TSPAN18: variants seen among roughly 807,000 people sequenced by gnomAD.
TSPAN18 encodes tetraspanin 18.
A neutral mutation model predicts 27.3 loss-of-function variants in TSPAN18; 14 were observed. The observed-to-expected ratio is 0.51, with a 90% CI of 0.34 to 0.80. The LOEUF is 0.80. Among genes scored for constraint, TSPAN18 ranks in the 30% least tolerant of loss-of-function variants. TSPAN18 has a pLI of 0.01. For synonymous variants in TSPAN18, 143 were observed against 136.5 expected (o/e 1.05, Z -0.33); for missense variants, 268 against 323.9 (o/e 0.83, Z 1.32).
At chr11:44,785,031 G>T (rs945940418) in intron 2 of TSPAN18, among the ~76,000 whole-genome samples, 1 of 152,150 alleles carries the variant, frequency 6.6e-6, no homozygotes, top group Non-Finnish European at 1.5e-5. Flanking sequence ...CCCTAACCAC[G>T]GTAATGAGAC....
At position 44,811,980 on chromosome 11, in the gene TSPAN18, G is replaced by A. The variant is rs1856727270; in HGVS notation, c.-153+47468G>A. Among the ~76,000 whole-genome samples, 3 of 152,238 alleles carry A rather than the reference G, an allele frequency of 2.0e-5. No homozygotes were observed. The South Asian group carries it at 6.2e-4, about 31-fold the overall frequency. ...CTGTCCCAGTTAGCCCTGTGAGTGG[G>A]CAGGGCTGGCAATGCCATATGTTGC... is the stretch of plus-strand genomic sequence containing the variant. On this transcript the variant is annotated intron_variant, in intron 2 of 9. Coordinates refer to ENST00000520358, the MANE Select transcript of TSPAN18 (RefSeq NM_130783.5).
chr11:44,751,926 C>CA lies in TSPAN18; in HGVS notation c.-239-12486dup, dbSNP rs374635775. 5.1e-3 allele frequency among the ~76,000 whole-genome samples: 600 copies of CA among 117,568 alleles called. 3 individuals are homozygous for CA. Among genetic ancestry groups the CA allele is most frequent in the Middle Eastern group, 0.027 (6 of 224 alleles). The allele number at this position is 117,568 out of a possible 152,430, so 77.1% of individuals were successfully genotyped here. On this transcript the variant is annotated intron_variant, in intron 1 of 9. Coordinates refer to ENST00000520358, the MANE Select transcript of TSPAN18 (RefSeq NM_130783.5). ...TGGGTGACAGAGCAGGACTCCATCT[C>CA]AAAAAAAAAAAAAAGAAGTCATATA...
At chr11:44,912,214 G>A (rs886300286) in intron 5 of TSPAN18, among the ~76,000 whole-genome samples, 1 of 152,014 alleles carries the variant, frequency 6.6e-6, no homozygotes, top group Admixed American at 6.6e-5. Context: ...TAGAAACAGG[G>A]TTTTACCATG....
intron 2 of TSPAN18, among the ~76,000 whole-genome samples, chr11:44,835,910 A>G (rs1314891345): frequency 1.3e-5 from 2 of 152,132 alleles, no homozygotes; most frequent in African/African-American, 2.4e-5. Flanking sequence ...TGGGGACATC[A>G]CAAGCTGCAC....
At chr11:44,862,246 C>T (rs1014244017) in intron 3 of TSPAN18, among the ~76,000 whole-genome samples, 34 of 152,238 alleles carry the variant, frequency 2.2e-4, no homozygotes, top group African/African-American at 7.5e-4. Context: ...CCCTCCGCCG[C>T]GGCAGCTCTG....
At chr11:44,790,237 G>C (rs758907578) in intron 2 of TSPAN18, among the ~76,000 whole-genome samples, 1 of 151,382 alleles carries the variant, frequency 6.6e-6, no homozygotes, top group African/African-American at 2.4e-5. Flanking sequence ...CCATGTGTTT[G>C]TGTGTGCCTG....
At chr11:44,879,833 G>A (rs769205144) in intron 3 of TSPAN18, among the ~76,000 whole-genome samples, 2 of 152,252 alleles carry the variant, frequency 1.3e-5, no homozygotes, top group East Asian at 3.9e-4. Flanking sequence ...ATGGCAAAGC[G>A]GACGAAGAAG....
chr11:44,833,382 T>C (rs1857194988), intron 2 of TSPAN18, among the ~76,000 whole-genome samples: 1 of 151,856 alleles, frequency 6.6e-6, no homozygotes, highest in African/African-American at 2.4e-5. Context: ...ATGGTGACTC[T>C]TAGGTAATTA....
chr11:44,763,694 G>A (rs1855503086), intron 1 of TSPAN18, among the ~76,000 whole-genome samples: 1 of 152,148 alleles, frequency 6.6e-6, no homozygotes, highest in African/African-American at 2.4e-5. Flanking sequence ...AAGAAACACA[G>A]TGTGATGTTT....
chr11:44,826,012 A>T (rs1857033917), intron 2 of TSPAN18, among the ~76,000 whole-genome samples: 1 of 152,186 alleles, frequency 6.6e-6, no homozygotes, highest in Admixed American at 6.5e-5. Context: ...TGAAACAAGG[A>T]TAAGATCTAC....
chr11:44,784,494 C>T (rs745695240), intron 2 of TSPAN18, among the ~76,000 whole-genome samples: 6 of 152,170 alleles, frequency 3.9e-5, no homozygotes, highest in Admixed American at 1.3e-4. Context: ...AGGTCGGCCC[C>T]GCAAACTGGG....
At position 44,741,447 on chromosome 11, in the gene TSPAN18, A is replaced by ATATGTGTGTGTG. The variant is rs59390988; in HGVS notation, c.-240+14161_-240+14162insATGTGTGTGTGT. Among the ~76,000 whole-genome samples, 1,156 of 147,430 alleles carry ATATGTGTGTGTG rather than the reference A, an allele frequency of 7.8e-3. 12 individuals are homozygous for ATATGTGTGTGTG. Among genetic ancestry groups the ATATGTGTGTGTG allele is most frequent in the African/African-American group, 0.018 (741 of 40,332 alleles). On this transcript the variant is annotated intron_variant, in intron 1 of 9. Coordinates refer to ENST00000520358, the MANE Select transcript of TSPAN18 (RefSeq NM_130783.5). ...CTATTCAAACCTGTCTCAGACATGT[A>ATATGTGTGTGTG]TGTGTGTGTGTGTGTGTGTGTGTGT...
At chr11:44,818,717 T>C (rs887605658) in intron 2 of TSPAN18, among the ~76,000 whole-genome samples, 1 of 152,174 alleles carries the variant, frequency 6.6e-6, no homozygotes, top group African/African-American at 2.4e-5. Flanking sequence ...TGAACAGTTA[T>C]GTACTGACCG....
At chr11:44,848,849 C>T (rs764441936) in intron 2 of TSPAN18, among the ~76,000 whole-genome samples, 19 of 152,292 alleles carry the variant, frequency 1.2e-4, no homozygotes, top group Admixed American at 3.9e-4. Context: ...CGTGGGGCTC[C>T]CCCCACCCCC....
At chr11:44,744,473 G>A (rs1370179876) in intron 1 of TSPAN18, among the ~76,000 whole-genome samples, 2 of 152,216 alleles carry the variant, frequency 1.3e-5, no homozygotes, top group Non-Finnish European at 2.9e-5. Context: ...AGTGGGGAGA[G>A]AGAGCTCTGG....
At chr11:44,826,742 G>A (rs1857050603) in intron 2 of TSPAN18, among the ~76,000 whole-genome samples, 1 of 152,208 alleles carries the variant, frequency 6.6e-6, no homozygotes, top group Non-Finnish European at 1.5e-5. Flanking sequence ...GCCTCTGGAT[G>A]TTTGTGTGCC....
At chr11:44,790,967 A>G (rs1165607689) in intron 2 of TSPAN18, among the ~76,000 whole-genome samples, 1 of 152,076 alleles carries the variant, frequency 6.6e-6, no homozygotes, top group East Asian at 1.9e-4. Flanking sequence ...GTTTCCTTCT[A>G]TCTGGGTCCC....
chr11:44,773,523 C>T (rs1180694550), intron 2 of TSPAN18, among the ~76,000 whole-genome samples: 1 of 152,052 alleles, frequency 6.6e-6, no homozygotes, highest in Non-Finnish European at 1.5e-5. Context: ...AGCATTTTAT[C>T]ACCGACATTG....
At chr11:44,870,360 G>A (rs1438612422) in intron 3 of TSPAN18, among the ~76,000 whole-genome samples, 2 of 152,172 alleles carry the variant, frequency 1.3e-5, no homozygotes. Flanking sequence ...GGAGGTGGGT[G>A]GAGCAGTGTC....
Sources: allele counts gnomAD v4.1 joint callset (sites outside exome capture counted in the v4.1 genomes callset), GRCh38; gene constraint gnomAD v4.1.1; transcripts MANE v1.5; gene names NCBI Gene and HGNC (gene_info 2026-07-23, HGNC 2026-07-21).